The following NTM variants were observed in gnomAD, a reference collection of about 807,000 sequenced individuals.
The protein encoded by NTM is IgLON family member 2.
In NTM, 13 loss-of-function variants were observed where a neutral mutation model predicts 42.1. The observed-to-expected ratio is 0.31, with a 90% CI of 0.20 to 0.49. The LOEUF (loss-of-function observed/expected upper bound fraction) is 0.49. Among genes scored for constraint, NTM ranks in the 20% least tolerant of loss-of-function variants. The pLI is 0.99. For synonymous variants in NTM, 187 were observed against 179.2 expected (o/e 1.04, Z -0.35); for missense variants, 373 against 452.8 (o/e 0.82, Z 1.60).
chr11:131,424,690 G>C (rs1367266829), intron 1 of NTM, among the ~76,000 whole-genome samples: 1 of 129,228 alleles, frequency 7.7e-6, no homozygotes, highest in Non-Finnish European at 1.6e-5. Flanking sequence ...CCTCCAAGTA[G>C]CTGGGACTGC....
At chr11:131,387,295 GCT>G (rs142715982) in intron 1 of NTM, among the ~76,000 whole-genome samples, 22 of 148,688 alleles carry the variant, frequency 1.5e-4, no homozygotes, top group East Asian at 2.0e-4. Flanking sequence ...CTTTCTTGGA[GCT>G]CTCTCTCTCT....
At chr11:131,500,577 ATT>A (rs71475759) in intron 1 of NTM, among the ~76,000 whole-genome samples, 7,383 of 75,796 alleles carry the variant, frequency 0.097, 319 homozygotes, top group Non-Finnish European at 0.1. Context: ...ATATATATAT[ATT>A]TTTTTTTTTT....
At chr11:131,514,086 C>T (rs2048593178) in intron 1 of NTM, among the ~76,000 whole-genome samples, 1 of 152,090 alleles carries the variant, frequency 6.6e-6, no homozygotes, top group African/African-American at 2.4e-5. Context: ...GACAGCGTCG[C>T]TAATGTCCCA....
intron 3 of NTM, among the ~76,000 whole-genome samples, chr11:132,153,421 T>A (rs1413278347): frequency 6.6e-6 from 1 of 152,162 alleles, no homozygotes; most frequent in Non-Finnish European, 1.5e-5. Context: ...CTCTTTATGG[T>A]CTCATGACCC....
intron 1 of NTM, among the ~76,000 whole-genome samples, chr11:131,797,048 G>T (rs554096367): frequency 3.9e-5 from 6 of 152,206 alleles, no homozygotes; most frequent in African/African-American, 1.4e-4. Context: ...TACTTAGAAG[G>T]CTCTAATAAT....
Position 131,564,425 on chromosome 11 carries a change from G to T in NTM, c.82+193537G>T, listed in dbSNP as rs150222514. ...CTTCCCACTGTGTGCTCACATAGTA[G>T]AGGGATAGGGTGGGTAGGGGGAGAG... On this transcript the variant is annotated intron_variant, in intron 1 of 8. Coordinates refer to ENST00000683400, the MANE Select transcript of NTM (RefSeq NM_001352005.2). 6.2e-5 allele frequency among the ~76,000 whole-genome samples: 9 copies of T among 144,384 alleles called. No homozygotes were observed. In the East Asian group the frequency reaches 1.8e-3, roughly 29 times the overall value. The allele number at this position is 144,384 out of a possible 152,430, so 94.7% of individuals were successfully genotyped here.
chr11:132,006,710 C>G (rs1380667475), intron 2 of NTM, among the ~76,000 whole-genome samples: 1 of 152,216 alleles, frequency 6.6e-6, no homozygotes, highest in Non-Finnish European at 1.5e-5. Context: ...CTAGGAATCT[C>G]CTCCAAAGAA....
chr11:131,908,700 A>G (rs147026322), intron 1 of NTM, among the ~76,000 whole-genome samples: 96 of 152,370 alleles, frequency 6.3e-4, no homozygotes, highest in African/African-American at 2.2e-3. Flanking sequence ...CAGCAGACTG[A>G]AAGTCAGCAA....
intron 2 of NTM, among the ~76,000 whole-genome samples, chr11:132,041,701 G>A (rs2077227100): frequency 1.3e-5 from 2 of 152,204 alleles, no homozygotes; most frequent in Non-Finnish European, 2.9e-5. Flanking sequence ...GGGTCAGACA[G>A]CCCCCAGTAC....
chr11:132,065,461 GTCTC>G (rs1367090447), intron 2 of NTM, among the ~76,000 whole-genome samples: 1 of 151,958 alleles, frequency 6.6e-6, no homozygotes, highest in Admixed American at 6.6e-5. Flanking sequence ...ATTCCACACT[GTCTC>G]TCTTCTCACT....
intron 1 of NTM, among the ~76,000 whole-genome samples, chr11:131,434,905 G>C (rs1022531614): frequency 2.0e-5 from 3 of 152,196 alleles, no homozygotes; most frequent in African/African-American, 7.2e-5. Flanking sequence ...ATTTCTTCTA[G>C]AGTTTTTATG....
At chr11:131,670,524 C>T (rs889589188) in intron 1 of NTM, among the ~76,000 whole-genome samples, 1 of 152,136 alleles carries the variant, frequency 6.6e-6, no homozygotes, top group Non-Finnish European at 1.5e-5. Flanking sequence ...GGTTGGAAAG[C>T]AGGGCTCCGC....
intron 2 of NTM, among the ~76,000 whole-genome samples, chr11:132,142,779 G>C (rs1187759926): frequency 6.6e-6 from 1 of 152,180 alleles, no homozygotes; most frequent in Non-Finnish European, 1.5e-5. Flanking sequence ...GCAGAACCAT[G>C]CTGGAAATTG....
At chr11:131,539,197 T>G (rs2052788779) in intron 1 of NTM, 3 of 152,162 alleles carry the variant, frequency 2.0e-5, no homozygotes, top group African/African-American at 7.2e-5. Context: ...CTGCCTCAGC[T>G]TCCCAAAGTG....
chr11:132,208,327 T>C (rs953389658), intron 3 of NTM, among the ~76,000 whole-genome samples: 12 of 152,206 alleles, frequency 7.9e-5, no homozygotes, highest in African/African-American at 2.9e-4. Context: ...TATGCCAATT[T>C]GTTTCTGATA....
At chr11:131,880,144 C>G (rs1176571470) in intron 1 of NTM, among the ~76,000 whole-genome samples, 1 of 152,224 alleles carries the variant, frequency 6.6e-6, no homozygotes, top group African/African-American at 2.4e-5. Flanking sequence ...GGCTAAATCT[C>G]TTCCGACCCA....
chr11:132,077,934 C>T (rs142600589), intron 2 of NTM, among the ~76,000 whole-genome samples: 7 of 152,218 alleles, frequency 4.6e-5, no homozygotes, highest in East Asian at 1.9e-4. Context: ...TCATAATATA[C>T]GTATATTTAT....
chr11:131,789,460 GAA>G (rs1318279365), intron 1 of NTM, among the ~76,000 whole-genome samples: 2 of 13,354 alleles, frequency 1.5e-4, no homozygotes, highest in East Asian at 1.5e-3. Flanking sequence ...AGAAGAAGAA[GAA>G]GAAGAAGAAG....
chr11:131,666,460 C>T (rs948120642), intron 1 of NTM, among the ~76,000 whole-genome samples: 5 of 152,272 alleles, frequency 3.3e-5, no homozygotes, highest in Admixed American at 2.6e-4. Flanking sequence ...ATGCACAAGG[C>T]GTTGCGAGGG....
Sources: gnomAD v4.1 joint callset for allele counts (sites outside exome capture counted in the v4.1 genomes callset) on GRCh38, gnomAD v4.1.1 for gene constraint, MANE v1.5 for transcripts, NCBI Gene and HGNC (gene_info 2026-07-23, HGNC 2026-07-21) for gene names.